The following GRB10 variants were observed in gnomAD, a reference collection of about 807,000 sequenced individuals.
GRB10 encodes the protein growth factor receptor-bound protein 10.
Under a neutral mutation model 80.9 loss-of-function variants are expected in GRB10, and 20 were observed. That is an observed-to-expected ratio of 0.25 (90% confidence interval 0.17 to 0.36). The LOEUF (loss-of-function observed/expected upper bound fraction) is 0.36, where lower values mean the gene tolerates loss of function less well. GRB10 is among the 10% of genes least tolerant of loss of function. GRB10 has a pLI of 1.00. For missense variants in GRB10, 548 were observed against 747.7 expected, an observed-to-expected ratio of 0.73 and a Z score of 3.12; for synonymous variants, 291 against 291.5, an observed-to-expected ratio of 1.00 and a Z score of 0.02.
chr7:50,626,049 G>A (rs77133091), intron 8 of GRB10, among the ~76,000 whole-genome samples: 4,036 of 152,248 alleles, frequency 0.027, 197 homozygotes, highest in African/African-American at 0.094. Flanking sequence ...TTTTGGTTTT[G>A]AATATTTTAC....
At chr7:50,767,435 G>A (rs1295383611) in intron 2 of GRB10, among the ~76,000 whole-genome samples, 5 of 152,084 alleles carry the variant, frequency 3.3e-5, no homozygotes, top group South Asian at 2.1e-4. Context: ...ATCCTGGTAC[G>A]GCCTCTTGTC....
At chr7:50,654,779 G>T (rs2058449272) in intron 7 of GRB10, among the ~76,000 whole-genome samples, 4 of 152,036 alleles carry the variant, frequency 2.6e-5, no homozygotes. Flanking sequence ...TAGGAGAGTG[G>T]GTTGCAGACA....
chr7:50,609,494 C>G (rs552480548), intron 13 of GRB10, among the ~76,000 whole-genome samples: 8 of 152,340 alleles, frequency 5.3e-5, no homozygotes, highest in African/African-American at 1.9e-4. Context: ...ATTTTATTCA[C>G]ATGTTTGCAT....
At chr7:50,644,858 G>A (rs926713483) in intron 7 of GRB10, among the ~76,000 whole-genome samples, 2 of 152,236 alleles carry the variant, frequency 1.3e-5, no homozygotes, top group African/African-American at 4.8e-5. Context: ...CAGACAGGTG[G>A]AAGGGGCTGG....
chr7:50,711,905 C>G (rs970853820), intron 4 of GRB10, among the ~76,000 whole-genome samples: 4 of 152,148 alleles, frequency 2.6e-5, no homozygotes, highest in African/African-American at 9.7e-5. Context: ...GTTGCTACCT[C>G]ATCTTTACAG....
At chr7:50,737,251 G>A (rs1217651514) in intron 3 of GRB10, among the ~76,000 whole-genome samples, 1 of 152,242 alleles carries the variant, frequency 6.6e-6, no homozygotes, top group African/African-American at 2.4e-5. Context: ...GATGGGAGGT[G>A]ACCGGATCAT....
Position 50,619,305 on chromosome 7 carries a change from C to A in GRB10, c.662-20G>T. 1 of 1,400,482 alleles carries A rather than the reference C, an allele frequency of 7.1e-7. No homozygotes were observed. The highest frequency in any genetic ancestry group is 1.0e-6 in the Non-Finnish European group (1 of 988,206). The allele number at this position is 1,400,482 out of a possible 1,614,324, so 86.8% of individuals were successfully genotyped here. ...ACCTCTCTGCAGGGGCAAAGCATCA[C>A]GTGTGAGACGCAACAGGTGGGAAAT... On this transcript the variant is annotated intron_variant, in intron 8 of 18. Transcript: ENST00000401949.
intron 4 of GRB10, among the ~76,000 whole-genome samples, chr7:50,722,264 A>C (rs1045790830): frequency 1.3e-5 from 2 of 152,080 alleles, no homozygotes; most frequent in African/African-American, 4.8e-5. Flanking sequence ...CCATAAACTT[A>C]CGTTCAAGGA....
chr7:50,704,017 CCTTTCCACTTACTTA>C (rs1461560720), intron 4 of GRB10, 109 bp from the exon 5 acceptor site: 4 of 727,834 alleles, frequency 5.5e-6, no homozygotes, highest in Non-Finnish European at 7.3e-6. Context: ...TTCCTTACTT[CCTTTCCACTTACTTA>C]CTTTTTCCAT....
chr7:50,703,325 T>A (rs1280990581), intron 5 of GRB10, among the ~76,000 whole-genome samples: 1 of 152,242 alleles, frequency 6.6e-6, no homozygotes, highest in African/African-American at 2.4e-5. Context: ...AAGCTTCCAT[T>A]TATTCAATCT....
In GRB10 at chr7:50,782,333, G is replaced by T. The variant is rs2078375921; in HGVS notation, c.-327+91C>A. On this transcript the variant is annotated intron_variant, in intron 1 of 18. Transcript: ENST00000401949. This position sits in a 1 kb window ranked among gnomAD's most constrained non-coding sequence, Gnocchi z 6.6. ...GTCCGCCGCGGCCGGGGCCTCTGCA[G>T]CCTGCGCAGGCCGATCCGCCCGCCG... 1.3e-5 allele frequency: 2 copies of T among 149,092 alleles called. No individual in the cohort carries two copies. Among genetic ancestry groups the T allele is most frequent in the Non-Finnish European group, 3.0e-5 (2 of 66,840 alleles). 9.2% of individuals were successfully genotyped at this position (149,092 alleles called of 1,614,324 possible).
rs528165780 is a variant in GRB10 at position 50,758,402 on chromosome 7, C to T, written c.-216-2346G>A. 1.8e-4 allele frequency among the ~76,000 whole-genome samples: 27 copies of T among 152,286 alleles called. No homozygotes were observed. In the South Asian group the frequency reaches 5.6e-3, roughly 32 times the overall value. Reference sequence around the variant, plus strand: ...TTGAGATCTTAAAGAATATACTAACCTGGGGAAAAATAAATAATGTCTTAA... The same window carrying T: ...TTGAGATCTTAAAGAATATACTAACTTGGGGAAAAATAAATAATGTCTTAA... On this transcript the variant is annotated intron_variant, in intron 2 of 18. Transcript: ENST00000401949.
chr7:50,773,298 G>A (rs868146016), intron 2 of GRB10, among the ~76,000 whole-genome samples: 4 of 149,416 alleles, frequency 2.7e-5, no homozygotes, highest in South Asian at 4.4e-4. Context: ...ACAGCCAAAC[G>A]ATGTAACACC....
chr7:50,690,004 A>G (rs2062606600), intron 5 of GRB10, among the ~76,000 whole-genome samples: 3 of 152,022 alleles, frequency 2.0e-5, no homozygotes, highest in South Asian at 2.1e-4. Flanking sequence ...AGGAAAAAAA[A>G]AAAAAGAAAA....
At chr7:50,745,162 T>C (rs191271474) in intron 3 of GRB10, among the ~76,000 whole-genome samples, 315 of 152,326 alleles carry the variant, frequency 2.1e-3, no homozygotes, top group African/African-American at 6.9e-3. Flanking sequence ...AAACTCCACA[T>C]ATAAATAGAC....
At chr7:50,759,503 C>G (rs758846355) in intron 2 of GRB10, among the ~76,000 whole-genome samples, 2 of 152,220 alleles carry the variant, frequency 1.3e-5, no homozygotes, top group Non-Finnish European at 2.9e-5. Flanking sequence ...ATGACCTACA[C>G]ACTTCCATTC....
chr7:50,701,122 T>C (rs2064151591), intron 5 of GRB10, among the ~76,000 whole-genome samples: 1 of 152,236 alleles, frequency 6.6e-6, no homozygotes, highest in Non-Finnish European at 1.5e-5. Flanking sequence ...TTCCCTTATA[T>C]CTTTTTCTGC....
rs77455750 is a variant in GRB10 at position 50,594,134 on chromosome 7, T to C, written c.1639-1036A>G. Reference sequence around the variant, plus strand: ...GCAGCACTTTCCCTAGGACAGTAATTCCTGTATTTGCATATAAGGTTGGCT... The same window carrying C: ...GCAGCACTTTCCCTAGGACAGTAATCCCTGTATTTGCATATAAGGTTGGCT... On this transcript the variant is annotated intron_variant, in intron 18 of 18. Transcript: ENST00000401949. Among the ~76,000 whole-genome samples the C allele has an allele frequency of 6.8e-3, 1,037 of 152,322 alleles. 15 individuals carry two copies. The highest frequency in any genetic ancestry group is 0.023 in the African/African-American group (964 of 41,560).
intron 6 of GRB10, among the ~76,000 whole-genome samples, chr7:50,673,336 G>A (rs1182834707): frequency 3.3e-5 from 5 of 152,122 alleles, no homozygotes; most frequent in South Asian, 2.1e-4. Context: ...GCAGACAGGC[G>A]GATCCTTGAG....
Sources: gnomAD v4.1 joint callset for allele counts (sites outside exome capture counted in the v4.1 genomes callset) on GRCh38, gnomAD v4.1.1 for gene constraint, Gnocchi (gnomAD v3.1) non-coding constraint, MANE v1.5 for transcripts, NCBI Gene and HGNC (gene_info 2026-07-23, HGNC 2026-07-21) for gene names.